The following SPON1 variants were observed in gnomAD, a reference collection of about 807,000 sequenced individuals.
The protein encoded by SPON1 is spondin-1.
SPON1 carries 52 observed loss-of-function variants against 111.7 expected under a neutral mutation model. The ratio of observed to expected loss-of-function variants is 0.47; its 90% CI spans 0.37 to 0.59. SPON1 has a LOEUF of 0.59. Ranked by LOEUF, SPON1 falls within the 20% of genes least tolerant of loss-of-function variation. The probability of loss-of-function intolerance (pLI) is 0.00; values close to 1 mark genes in which losing one functional copy is unlikely to be tolerated. For missense variants in SPON1, 957 were observed against 1,068.5 expected, an observed-to-expected ratio of 0.90 and a Z score of 1.46; for synonymous variants, 410 against 395.8, an observed-to-expected ratio of 1.04 and a Z score of -0.43.
intron 6 of SPON1, among the ~76,000 whole-genome samples, chr11:14,170,944 T>C (rs1347536054): frequency 1.3e-5 from 2 of 152,170 alleles, no homozygotes; most frequent in Non-Finnish European, 2.9e-5. Context: ...AGGATATTGG[T>C]CTAAAATTCT....
At chr11:14,198,331 C>T (rs1479521701) in intron 6 of SPON1, among the ~76,000 whole-genome samples, 2 of 152,326 alleles carry the variant, frequency 1.3e-5, no homozygotes, top group South Asian at 2.1e-4. Flanking sequence ...GAGGTAAGAA[C>T]CTCTTTGCCT....
intron 7 of SPON1, among the ~76,000 whole-genome samples, chr11:14,245,401 GT>G (rs1848978105): frequency 6.6e-6 from 1 of 152,186 alleles, no homozygotes; most frequent in Non-Finnish European, 1.5e-5. Flanking sequence ...GCCACTCCAG[GT>G]TTTCCCTTTG....
chr11:14,003,058 G>A (rs1000917800), intron 2 of SPON1, among the ~76,000 whole-genome samples: 2 of 152,056 alleles, frequency 1.3e-5, no homozygotes, highest in Non-Finnish European at 2.9e-5. Context: ...TTCTGCAATG[G>A]CCTCCGCGTT....
At chr11:14,097,636 C>A (rs960730887) in intron 5 of SPON1, among the ~76,000 whole-genome samples, 1 of 152,018 alleles carries the variant, frequency 6.6e-6, no homozygotes, top group East Asian at 1.9e-4. Context: ...CATGGTGGTG[C>A]GTGCCTGTAG....
chr11:14,104,155 C>A (rs1404858201), intron 5 of SPON1, among the ~76,000 whole-genome samples: 6 of 151,960 alleles, frequency 3.9e-5, no homozygotes, highest in Non-Finnish European at 8.8e-5. Context: ...TTTTTCTAAG[C>A]CTTTTTAAAG....
intron 5 of SPON1, among the ~76,000 whole-genome samples, chr11:14,089,156 C>T (rs576682831): frequency 3.9e-5 from 6 of 152,054 alleles, no homozygotes; most frequent in African/African-American, 1.4e-4. Flanking sequence ...ATTCTCCATC[C>T]AGTTTTGTGC....
intron 6 of SPON1, among the ~76,000 whole-genome samples, chr11:14,161,490 T>A (rs1290567354): frequency 6.6e-6 from 1 of 150,902 alleles, no homozygotes; most frequent in South Asian, 2.1e-4. Flanking sequence ...AGATAATTTT[T>A]ATATTTTTAG....
chr11:14,122,508 A>AT (rs1564909842), intron 5 of SPON1, among the ~76,000 whole-genome samples: 1 of 151,954 alleles, frequency 6.6e-6, no homozygotes, highest in African/African-American at 2.4e-5. Context: ...CAATCTATCT[A>AT]TTCTCTCCTT....
chr11:14,156,120 A>C (rs1415536621), intron 6 of SPON1, among the ~76,000 whole-genome samples: 1 of 123,170 alleles, frequency 8.1e-6, no homozygotes, highest in African/African-American at 2.9e-5. Context: ...ACAGTGTAAA[A>C]GTGTTCCTAT....
At chr11:14,068,016 A>C (rs576596939) in intron 3 of SPON1, among the ~76,000 whole-genome samples, 1 of 152,342 alleles carries the variant, frequency 6.6e-6, no homozygotes, top group South Asian at 2.1e-4. Context: ...TTATGAGTAA[A>C]TGAATGTCTG....
intron 6 of SPON1, among the ~76,000 whole-genome samples, chr11:14,219,700 T>C (rs1414895021): frequency 1.3e-5 from 2 of 152,152 alleles, no homozygotes; most frequent in African/African-American, 4.8e-5. Flanking sequence ...TCCAAGAAGA[T>C]AGCATGACCA....
At chr11:14,017,427 A>G (rs1415922357) in intron 2 of SPON1, among the ~76,000 whole-genome samples, 1 of 152,252 alleles carries the variant, frequency 6.6e-6, no homozygotes, top group African/African-American at 2.4e-5. Context: ...TAATCTATGA[A>G]TAAAGCTTCT....
intron 5 of SPON1, among the ~76,000 whole-genome samples, chr11:14,110,482 A>T (rs991770820): frequency 6.6e-6 from 1 of 152,198 alleles, no homozygotes; most frequent in Non-Finnish European, 1.5e-5. Flanking sequence ...TTTATTGGGG[A>T]GAATTAGCTC....
chr11:13,965,688 G>C (rs974147855), intron 1 of SPON1, among the ~76,000 whole-genome samples: 1 of 152,206 alleles, frequency 6.6e-6, no homozygotes, highest in African/African-American at 2.4e-5. Context: ...GGTTTTCCAA[G>C]TAAATATCCT....
chr11:14,121,153 A>G (rs1192090834), intron 5 of SPON1, among the ~76,000 whole-genome samples: 1 of 152,184 alleles, frequency 6.6e-6, no homozygotes, highest in Admixed American at 6.5e-5. Context: ...GAGGTTGCCA[A>G]GGGCTGGGAG....
At chr11:13,993,371 T>C (rs558302698) in intron 2 of SPON1, among the ~76,000 whole-genome samples, 2 of 151,878 alleles carry the variant, frequency 1.3e-5, no homozygotes, top group African/African-American at 2.4e-5. Context: ...TTTGATGAGA[T>C]AGCTGATTCG....
intron 3 of SPON1, among the ~76,000 whole-genome samples, chr11:14,059,811 T>C (rs1213958274): frequency 1.3e-5 from 2 of 152,216 alleles, no homozygotes; most frequent in African/African-American, 4.8e-5. Flanking sequence ...ATTATTCCTC[T>C]GCAGCCAGGA....
intron 6 of SPON1, among the ~76,000 whole-genome samples, chr11:14,152,692 A>G (rs1847802155): frequency 6.6e-6 from 1 of 152,240 alleles, no homozygotes; most frequent in African/African-American, 2.4e-5. Flanking sequence ...ACCAAGAAAC[A>G]CAGGTACTTT....
At chr11:14,076,903 C>G (rs1848922267) in intron 4 of SPON1, among the ~76,000 whole-genome samples, 1 of 152,232 alleles carries the variant, frequency 6.6e-6, no homozygotes, top group South Asian at 2.1e-4. Flanking sequence ...CACGTGTCTT[C>G]TGAGGCTTTT....
Sources: gnomAD v4.1 joint callset for allele counts (sites outside exome capture counted in the v4.1 genomes callset) on GRCh38, gnomAD v4.1.1 for gene constraint, MANE v1.5 for transcripts, NCBI Gene and HGNC (gene_info 2026-07-23, HGNC 2026-07-21) for gene names.